The following MSRA variants were observed in gnomAD, a reference collection of about 807,000 sequenced individuals.
MSRA encodes the protein mitochondrial peptide methionine sulfoxide reductase.
A neutral mutation model predicts 31.3 loss-of-function variants in MSRA; 54 were observed. The observed-to-expected ratio is 1.73, with a 90% CI of 1.39 to 2.17. MSRA has a LOEUF of 2.17. MSRA is among the 30% of genes most tolerant of loss of function. MSRA has a pLI of 0.00. For missense variants in MSRA, 507 were observed against 300.9 expected (o/e 1.69, Z -5.07); for synonymous variants, 169 against 116.5 (o/e 1.45, Z -2.90).
intron 5 of MSRA, among the ~76,000 whole-genome samples, chr8:10,399,381 T>C (rs1193956425): frequency 1.3e-5 from 2 of 152,196 alleles, no homozygotes; most frequent in African/African-American, 4.8e-5. Context: ...GTGCCAGGTA[T>C]AGGATCAGGG....
chr8:10,411,892 TG>T (rs1808179849), intron 5 of MSRA, among the ~76,000 whole-genome samples: 3 of 138,874 alleles, frequency 2.2e-5, no homozygotes, highest in Non-Finnish European at 1.7e-5. Context: ...TTCCCAGGGG[TG>T]GCGAACAGCC....
At chr8:10,272,208 A>T (rs143313829) in intron 3 of MSRA, among the ~76,000 whole-genome samples, 195 of 152,320 alleles carry the variant, frequency 1.3e-3, no homozygotes, top group African/African-American at 4.4e-3. Flanking sequence ...AACAGAAGCA[A>T]TAGGATGATC....
intron 1 of MSRA, among the ~76,000 whole-genome samples, chr8:10,155,301 G>A (rs1804057210): frequency 6.6e-6 from 1 of 152,158 alleles, no homozygotes; most frequent in South Asian, 2.1e-4. Flanking sequence ...CATTTTCACT[G>A]TGGAAGGAGA....
chr8:10,287,248 G>A (rs1388688461), intron 3 of MSRA, among the ~76,000 whole-genome samples: 1 of 152,178 alleles, frequency 6.6e-6, no homozygotes. Flanking sequence ...GAGAAAGCAT[G>A]AAATTATGGA....
chr8:10,348,515 G>A lies in MSRA; in HGVS notation c.543+28526G>A, dbSNP rs539300675. Among the ~76,000 whole-genome samples the A allele has an allele frequency of 3.3e-5, 5 of 151,768 alleles. No individual in the cohort carries two copies. In the South Asian group the frequency reaches 8.3e-4, roughly 25 times the overall value. On this transcript the variant is annotated intron_variant, in intron 5 of 5. Coordinates refer to ENST00000317173, the MANE Select transcript of MSRA (RefSeq NM_012331.5). ...CTTCCAAGTAGCCGGGACTACAAGC[G>A]TGCGCCACCATGCCCGGCTAATTTT...
chr8:10,412,811 G>C (rs1808235988), intron 5 of MSRA, among the ~76,000 whole-genome samples: 1 of 152,208 alleles, frequency 6.6e-6, no homozygotes, highest in Non-Finnish European at 1.5e-5. Context: ...AAAGAATCGT[G>C]ACAATACCAA....
At chr8:10,276,064 G>A (rs17695316) in intron 3 of MSRA, among the ~76,000 whole-genome samples, 29,580 of 152,194 alleles carry the variant, frequency 0.19, 3,788 homozygotes, top group Non-Finnish European at 0.29. Flanking sequence ...CTCTCGCTCC[G>A]TGTCTGGGCT....
intron 1 of MSRA, among the ~76,000 whole-genome samples, chr8:10,108,587 C>T (rs1242371852): frequency 1.3e-5 from 2 of 152,230 alleles, no homozygotes; most frequent in Admixed American, 6.5e-5. Context: ...TTATTCATGC[C>T]CTCTTCTCTT....
At chr8:10,249,692 A>G (rs1333795788) in intron 3 of MSRA, among the ~76,000 whole-genome samples, 3 of 152,164 alleles carry the variant, frequency 2.0e-5, no homozygotes, top group Non-Finnish European at 4.4e-5. Flanking sequence ...TCTCATGGCC[A>G]GCAGACCTCT....
chr8:10,220,523 C>T (rs1326745630), intron 2 of MSRA, among the ~76,000 whole-genome samples: 1 of 152,188 alleles, frequency 6.6e-6, no homozygotes, highest in Non-Finnish European at 1.5e-5. Context: ...ACTGTGTTTT[C>T]TTAGGAAAAG....
At chr8:10,074,643 C>T (rs1448300117) in intron 1 of MSRA, among the ~76,000 whole-genome samples, 2 of 151,898 alleles carry the variant, frequency 1.3e-5, no homozygotes, top group Non-Finnish European at 2.9e-5. Flanking sequence ...TGATAATACA[C>T]CCCTTCTTCT....
chr8:10,181,910 A>T lies in MSRA; in HGVS notation c.143-25923A>T, dbSNP rs117175228. On this transcript the variant is annotated intron_variant, in intron 1 of 5. Coordinates refer to ENST00000317173, the MANE Select transcript of MSRA (RefSeq NM_012331.5). ...CCAAGTGCCTTGGCTCAACTTCGTG[A>T]TTGGTGTGCATTTTGGGTGAGTGGG... Among the ~76,000 whole-genome samples the T allele has an allele frequency of 4.8e-3, 728 of 152,316 alleles. 3 individuals are homozygous for T. Among genetic ancestry groups the T allele is most frequent in the Non-Finnish European group, 5.8e-3 (392 of 68,030 alleles).
At chr8:10,242,270 C>T (rs1421218094) in intron 2 of MSRA, among the ~76,000 whole-genome samples, 1 of 138,834 alleles carries the variant, frequency 7.2e-6, no homozygotes. Flanking sequence ...GACTCCATCT[C>T]AAAAAAAAAA....
chr8:10,157,230 G>C (rs1006296140), intron 1 of MSRA, among the ~76,000 whole-genome samples: 6 of 152,006 alleles, frequency 3.9e-5, no homozygotes, highest in Non-Finnish European at 8.8e-5. Context: ...TAAAGATCTC[G>C]TTAACACTCC....
At chr8:10,285,002 C>T (rs370740955) in intron 3 of MSRA, among the ~76,000 whole-genome samples, 1 of 142,286 alleles carries the variant, frequency 7.0e-6, no homozygotes, top group Admixed American at 7.6e-5. Context: ...ATTTTCATGA[C>T]TTCCTCCCCA....
chr8:10,080,369 A>C (rs555989008), intron 1 of MSRA, among the ~76,000 whole-genome samples: 1 of 144,380 alleles, frequency 6.9e-6, no homozygotes, highest in African/African-American at 2.6e-5. Flanking sequence ...TGTTTTCACT[A>C]TCTGAATATT....
intron 1 of MSRA, among the ~76,000 whole-genome samples, chr8:10,084,009 G>T (rs141109092): frequency 4.6e-5 from 7 of 152,134 alleles, no homozygotes; most frequent in Admixed American, 1.3e-4. Context: ...TGAGGTCTTC[G>T]TATCAATATT....
chr8:10,376,627 G>C (rs1251682634), intron 5 of MSRA, among the ~76,000 whole-genome samples: 1 of 152,130 alleles, frequency 6.6e-6, no homozygotes, highest in African/African-American at 2.4e-5. Flanking sequence ...ATAAATAGTA[G>C]CCTCTATTAA....
chr8:10,334,170 G>C (rs1802880753), intron 5 of MSRA, among the ~76,000 whole-genome samples: 1 of 110,024 alleles, frequency 9.1e-6, no homozygotes, highest in Non-Finnish European at 2.1e-5. Flanking sequence ...ATAGGGGTGT[G>C]TGTGTGTGTG....
Sources: allele counts gnomAD v4.1 joint callset (sites outside exome capture counted in the v4.1 genomes callset), GRCh38; gene constraint gnomAD v4.1.1; transcripts MANE v1.5; gene names NCBI Gene and HGNC (gene_info 2026-07-23, HGNC 2026-07-21).